Variants in ITGB1 observed in about 807,000 individuals in gnomAD.
ITGB1 encodes the protein integrin subunit beta 1, also known as integrin beta-1.
A neutral mutation model predicts 86.5 loss-of-function variants in ITGB1; 24 were observed. The ratio of observed to expected loss-of-function variants is 0.28; its 90% CI spans 0.20 to 0.39. The LOEUF (loss-of-function observed/expected upper bound fraction) is 0.39. ITGB1 is among the 10% of genes least tolerant of loss of function. The pLI is 1.00. For synonymous variants in ITGB1, 323 were observed against 316.8 expected (o/e 1.02, Z -0.21); for missense variants, 556 against 946.9 (o/e 0.59, Z 5.42).
intron 1 of ITGB1, among the ~76,000 whole-genome samples, chr10:32,937,541 C>T (rs758094909): frequency 2.7e-5 from 3 of 110,836 alleles, no homozygotes; most frequent in Non-Finnish European, 3.3e-5. Context: ...GGCGAAAGAG[C>T]GAGACTCCGT....
chr10:32,948,971 G>GAAAAAAAAAAAAAAAAAAAAA (rs71299726), intron 1 of ITGB1, among the ~76,000 whole-genome samples: 3 of 121,408 alleles, frequency 2.5e-5, no homozygotes, highest in Non-Finnish European at 5.3e-5. Context: ...GTGGATTACT[G>GAAAAAAAAAAAAAAAAAAAAA]AAAAAAAAAA....
chr10:32,920,117 A>G (rs1277307217), intron 10 of ITGB1, 33 bp from the exon 11 acceptor site: 2 of 1,583,702 alleles, frequency 1.3e-6, no homozygotes, highest in Non-Finnish European at 1.7e-6. Context: ...ACAACCAACT[A>G]AACAATTTAA....
intron 1 of ITGB1, chr10:32,935,882 C>T (rs1222498596): frequency 5.1e-6 from 1 of 195,248 alleles, no homozygotes; most frequent in African/African-American, 2.3e-5. Flanking sequence ...TTCCTCAACA[C>T]CATAAAACCT....
At position 32,901,528 on chromosome 10, in the gene ITGB1, G is replaced by A. The variant is rs1260109225; in HGVS notation, c.*42C>T. 1 of 1,240,428 alleles carries A rather than the reference G, an allele frequency of 8.1e-7. No individual in the cohort carries two copies. The highest frequency in any genetic ancestry group is 1.2e-6 in the Non-Finnish European group (1 of 862,918). The allele number at this position is 1,240,428 out of a possible 1,614,324, so 76.8% of individuals were successfully genotyped here. ...CTACCTAACTGTGACTATGGAAATT[G>A]CTACTTTGCATTCAGTGTTGTGGGA... On this transcript the variant is annotated 3_prime_UTR_variant, in exon 16 of 16. Transcript: ENST00000302278.
chr10:32,935,069 C>G (rs747971140), intron 2 of ITGB1, among the ~76,000 whole-genome samples: 3 of 152,162 alleles, frequency 2.0e-5, no homozygotes, highest in Non-Finnish European at 4.4e-5. Flanking sequence ...ATGATGCCAA[C>G]ATTTTGTGAG....
At position 32,912,017 on chromosome 10, in the gene ITGB1, C is replaced by G. The variant is rs767041384; in HGVS notation, c.1577G>C (p.Ser526Thr). ...CRKENSSEIC[S>T]NNGECVCGQC... ...TCCGCAGACGCACTCTCCATTGTTA[C>G]TGCAGATTTCTGAACTGTTTTCTTT... The change falls in exon 12 of 16, where the codon AGT (serine) becomes ACT (threonine). Residue 526 changes from serine to threonine, a missense_variant. Physicochemically the swap from Ser to Thr is moderately conservative, Grantham distance 58. Around this residue, in one of 4 missense-constraint regions of ITGB1, gnomAD observed 330 missense variants for 531.5 expected, o/e 0.62. Coordinates refer to ENST00000302278, the MANE Select transcript of ITGB1 (RefSeq NM_002211.4). 6.2e-7 allele frequency: 1 copy of G among 1,614,070 alleles called. No homozygotes were observed. The highest frequency in any genetic ancestry group is 8.5e-7 in the Non-Finnish European group (1 of 1,180,008).
chr10:32,925,978 TA>T lies in ITGB1; in HGVS notation c.678del (p.Asn227IlefsTer38). The T allele has an allele frequency of 6.2e-7, 1 of 1,613,964 alleles. No homozygotes were observed. Among genetic ancestry groups the T allele is most frequent in the Non-Finnish European group, 8.5e-7 (1 of 1,179,826 alleles). ...AGTTCATTAAATACTTCTCCTTTAT[TA>T]GTAAGACTGAGCACATTTTTGTAGC... ...PFSYKNVLSL[T>X]NKGEVFNELV... On this transcript the variant is annotated frameshift_variant, in exon 6 of 16. Transcript: ENST00000302278. LOFTEE classifies it high-confidence loss of function.
chr10:32,925,279 T>G (rs2094961282), intron 6 of ITGB1, among the ~76,000 whole-genome samples: 2 of 152,216 alleles, frequency 1.3e-5, no homozygotes, highest in South Asian at 4.1e-4. Context: ...AGGGATGGGC[T>G]TGCTACTGAA....
chr10:32,903,351 C>CAAAAAAAAAA (rs35559257), intron 15 of ITGB1, among the ~76,000 whole-genome samples: 4 of 56,986 alleles, frequency 7.0e-5, no homozygotes, highest in Admixed American at 2.5e-4. Flanking sequence ...GACTCCATCT[C>CAAAAAAAAAA]AAAAAAAAAA....
intron 1 of ITGB1, among the ~76,000 whole-genome samples, chr10:32,947,690 C>A (rs1161291696): frequency 6.6e-6 from 1 of 152,080 alleles, no homozygotes; most frequent in Non-Finnish European, 1.5e-5. Flanking sequence ...ACTGGAGATA[C>A]TCTGAGGTAT....
chr10:32,909,446 T>C (rs1268024697), intron 14 of ITGB1, among the ~76,000 whole-genome samples: 1 of 151,970 alleles, frequency 6.6e-6, no homozygotes, highest in African/African-American at 2.4e-5. Context: ...TTAAAGACAA[T>C]GTAAAAGCAA....
chr10:32,930,797 T>C (rs2094981117), intron 3 of ITGB1, among the ~76,000 whole-genome samples: 2 of 152,092 alleles, frequency 1.3e-5, no homozygotes, highest in Admixed American at 6.5e-5. Context: ...TTTCTAGTAA[T>C]GACAGAGATT....
At chr10:32,909,595 C>G (rs57039327) in intron 14 of ITGB1, among the ~76,000 whole-genome samples, 2 of 152,140 alleles carry the variant, frequency 1.3e-5, no homozygotes, top group African/African-American at 4.8e-5. Flanking sequence ...GCTGATAATT[C>G]AAAACAGTAT....
intron 14 of ITGB1, among the ~76,000 whole-genome samples, chr10:32,909,203 A>T (rs1019321680): frequency 2.6e-5 from 4 of 152,210 alleles, no homozygotes; most frequent in Non-Finnish European, 2.9e-5. Flanking sequence ...AGAGTCAGAA[A>T]CAGGCCTACA....
chr10:32,942,699 G>T (rs17586245), intron 1 of ITGB1, among the ~76,000 whole-genome samples: 1,525 of 140,930 alleles, frequency 0.011, 32 homozygotes, highest in Middle Eastern at 0.027. Flanking sequence ...TTTTTTTTTG[G>T]GGGGAGACAG....
At chr10:32,946,398 A>G (rs975723136) in intron 1 of ITGB1, among the ~76,000 whole-genome samples, 4 of 152,194 alleles carry the variant, frequency 2.6e-5, no homozygotes. Context: ...TTTGTTCCTG[A>G]TCAAAGAAAT....
rs186847252 is a variant in ITGB1 at position 32,915,710 on chromosome 10, T to G, written c.1470-3586A>C. On this transcript the variant is annotated intron_variant, in intron 11 of 15. Transcript: ENST00000302278. ...CAAAAAAAGTCCAAGACCAGACGGA[T>G]TCACAGCCGAATTCTACCAGAGGTA... is the stretch of plus-strand genomic sequence containing the variant. Among the ~76,000 whole-genome samples, 892 of 152,262 alleles carry G rather than the reference T, an allele frequency of 5.9e-3. 8 individuals are homozygous for G. Among genetic ancestry groups the G allele is most frequent in the African/African-American group, 0.02 (850 of 41,542 alleles).
intron 1 of ITGB1, chr10:32,944,629 CACTT>C: frequency 1.7e-6 from 1 of 603,562 alleles, no homozygotes; most frequent in South Asian, 1.5e-5. Context: ...TGAAAAATCT[CACTT>C]AGTATAGCTA....
intron 2 of ITGB1, among the ~76,000 whole-genome samples, chr10:32,935,091 A>C (rs2094996842): frequency 6.6e-6 from 1 of 152,206 alleles, no homozygotes; most frequent in Non-Finnish European, 1.5e-5. Flanking sequence ...CTTTTTTATC[A>C]AAGAGTGAGA....
Sources: allele counts gnomAD v4.1 joint callset (sites outside exome capture counted in the v4.1 genomes callset), GRCh38; gene constraint gnomAD v4.1.1; regional missense constraint gnomAD v4.1.1; transcripts MANE v1.5; gene names NCBI Gene and HGNC (gene_info 2026-07-23, HGNC 2026-07-21).